The following UCK2 variants were observed in gnomAD, a reference collection of about 807,000 sequenced individuals.
UCK2 encodes the protein uridine-cytidine kinase 2.
A neutral mutation model predicts 30.8 loss-of-function variants in UCK2; 6 were observed. The observed-to-expected ratio is 0.19, with a 90% CI of 0.11 to 0.38. UCK2 has a LOEUF of 0.38. UCK2 is among the 10% of genes least tolerant of loss of function. UCK2 has a pLI of 1.00. For synonymous variants in UCK2, 125 were observed against 133.6 expected (o/e 0.94, Z 0.45); for missense variants, 210 against 339.8 (o/e 0.62, Z 3.00).
rs12080667 is a variant in UCK2 at position 165,896,864 on chromosome 1, A to G, written c.499+532A>G. Among the ~76,000 whole-genome samples, 1,268 of 152,278 alleles carry G rather than the reference A, an allele frequency of 8.3e-3. 13 individuals are homozygous for G. Among genetic ancestry groups the G allele is most frequent in the African/African-American group, 0.028 (1,157 of 41,548 alleles). ...GTCAGCTGTGCCCTCCGCAGGCCCT[A>G]CTAAGTGTGGGCCTGCCTGTGCTAA... On this transcript the variant is annotated intron_variant, in intron 4 of 6. Coordinates refer to ENST00000367879, the MANE Select transcript of UCK2 (RefSeq NM_012474.5).
At chr1:165,844,147 GGCATTTAAACTCTTGGCTTCAGAGTCC>G (rs1654392386) in intron 1 of UCK2, among the ~76,000 whole-genome samples, 2 of 152,178 alleles carry the variant, frequency 1.3e-5, no homozygotes, top group South Asian at 4.1e-4. Flanking sequence ...AGGTGGGGCT[GGCATTTAAACTCTTGGCTTCAGAGTCC>G]AAAAAACCTA....
intron 1 of UCK2, among the ~76,000 whole-genome samples, chr1:165,839,694 T>A (rs1654276740): frequency 6.6e-6 from 1 of 152,214 alleles, no homozygotes; most frequent in Non-Finnish European, 1.5e-5. Context: ...TCAGCCAGGC[T>A]TGTGTTAACA....
At chr1:165,869,035 CAT>C (rs1392675552) in intron 1 of UCK2, among the ~76,000 whole-genome samples, 3 of 152,162 alleles carry the variant, frequency 2.0e-5, no homozygotes, top group Non-Finnish European at 4.4e-5. Flanking sequence ...CGCAGGAAAT[CAT>C]AGGGAGGCCC....
intron 1 of UCK2, among the ~76,000 whole-genome samples, chr1:165,884,405 T>C (rs1655571087): frequency 6.6e-6 from 1 of 152,164 alleles, no homozygotes; most frequent in South Asian, 2.1e-4. Flanking sequence ...GATTCAAAAA[T>C]GTTGGGCAGC....
chr1:165,844,410 T>TAA (rs1270603065), intron 1 of UCK2, among the ~76,000 whole-genome samples: 2 of 152,218 alleles, frequency 1.3e-5, no homozygotes. Flanking sequence ...ACAGAGCTCC[T>TAA]AAAACCCTGT....
At chr1:165,892,772 C>T (rs1283923751) in intron 3 of UCK2, 1 of 152,322 alleles carries the variant, frequency 6.6e-6, no homozygotes, top group Admixed American at 6.5e-5. Context: ...GGATTCAGAG[C>T]AGGTTGTATG....
At chr1:165,901,999 G>A (rs1279736348) in intron 4 of UCK2, among the ~76,000 whole-genome samples, 1 of 150,864 alleles carries the variant, frequency 6.6e-6, no homozygotes, top group Non-Finnish European at 1.5e-5. Context: ...ACTTTGGGAG[G>A]CTGAGGCGGG....
At position 165,827,757 on chromosome 1, in the gene UCK2, G is replaced by T. The variant is rs1485224450; in HGVS notation, c.-77G>T. 8.1e-7 allele frequency: 1 copy of T among 1,236,570 alleles called. No individual in the cohort carries two copies. The allele number at this position is 1,236,570 out of a possible 1,614,324, so 76.6% of individuals were successfully genotyped here. ...CGCCCAGCGGCGGCTGCGGAAAGCGGAGGGAGTCCGACGCGGGCGCGGGCG... is the reference window on the plus strand; with the variant it reads ...CGCCCAGCGGCGGCTGCGGAAAGCGTAGGGAGTCCGACGCGGGCGCGGGCG... On this transcript the variant is annotated 5_prime_UTR_variant, in exon 1 of 7. Transcript: ENST00000367879.
chr1:165,893,957 A>C (rs1386948127), intron 3 of UCK2, among the ~76,000 whole-genome samples: 1 of 152,200 alleles, frequency 6.6e-6, no homozygotes. Flanking sequence ...CAGATTGAAC[A>C]TCCCTAATCT....
chr1:165,836,971 G>A (rs1045440999), intron 1 of UCK2, among the ~76,000 whole-genome samples: 1 of 152,170 alleles, frequency 6.6e-6, no homozygotes, highest in African/African-American at 2.4e-5. Flanking sequence ...GAGGAGAGGA[G>A]GGGGAGGGAA....
chr1:165,901,421 C>A (rs1199672325), intron 4 of UCK2, among the ~76,000 whole-genome samples: 1 of 152,194 alleles, frequency 6.6e-6, no homozygotes, highest in Non-Finnish European at 1.5e-5. Context: ...GACAGCCTCC[C>A]CGTTCCCTGG....
chr1:165,875,695 T>C (rs112142120), intron 1 of UCK2, among the ~76,000 whole-genome samples: 2,826 of 152,262 alleles, frequency 0.019, 76 homozygotes, highest in African/African-American at 0.064. Context: ...GAAACACTTA[T>C]GTTTACTGGT....
At chr1:165,854,452 G>C (rs933482574) in intron 1 of UCK2, among the ~76,000 whole-genome samples, 1 of 152,100 alleles carries the variant, frequency 6.6e-6, no homozygotes, top group Non-Finnish European at 1.5e-5. Context: ...GACCTGATTA[G>C]TCACATACTG....
At chr1:165,896,373 C>G (rs1400374081) in intron 4 of UCK2, 41 bp downstream of exon 4, 2 of 1,610,988 alleles carry the variant, frequency 1.2e-6, no homozygotes, top group Non-Finnish European at 1.7e-6. Flanking sequence ...TGGTGGCCAC[C>G]TTGAGGGCGG....
intron 3 of UCK2, chr1:165,892,037 T>G (rs1557847220): frequency 1.3e-5 from 2 of 150,126 alleles, no homozygotes; most frequent in Admixed American, 6.8e-5. Flanking sequence ...ACGATTTGGT[T>G]GCAGGAGGAA....
At chr1:165,899,272 C>T (rs1199795922) in intron 4 of UCK2, among the ~76,000 whole-genome samples, 3 of 152,142 alleles carry the variant, frequency 2.0e-5, no homozygotes, top group Admixed American at 2.0e-4. Context: ...CCTCATTTGC[C>T]TTCATATTCC....
chr1:165,904,888 GAAAAAGA>G (rs1315709159), intron 5 of UCK2, among the ~76,000 whole-genome samples: 1 of 152,070 alleles, frequency 6.6e-6, no homozygotes, highest in South Asian at 2.1e-4. Flanking sequence ...CAACAAAAAA[GAAAAAGA>G]AAAAAGAAAT....
chr1:165,875,624 G>GGA (rs1289008384), intron 1 of UCK2, among the ~76,000 whole-genome samples: 1 of 152,178 alleles, frequency 6.6e-6, no homozygotes, highest in Non-Finnish European at 1.5e-5. Context: ...TTCAAGTCGA[G>GGA]GTTCCCATAA....
chr1:165,900,615 A>T (rs1376079391), intron 4 of UCK2: 1 of 152,224 alleles, frequency 6.6e-6, no homozygotes, highest in African/African-American at 2.4e-5. Flanking sequence ...AAACAGCTGA[A>T]GCCACCAGAT....
Sources: gnomAD v4.1 joint callset for allele counts (sites outside exome capture counted in the v4.1 genomes callset) on GRCh38, gnomAD v4.1.1 for gene constraint, MANE v1.5 for transcripts, NCBI Gene and HGNC (gene_info 2026-07-23, HGNC 2026-07-21) for gene names.